Variants in AHRR observed in about 807,000 individuals in gnomAD.
AHRR encodes the protein ahR repressor.
A neutral mutation model predicts 44.0 loss-of-function variants in AHRR; 28 were observed. That is an observed-to-expected ratio of 0.64 (90% CI 0.47 to 0.87). The LOEUF is 0.87. Ranked by LOEUF, AHRR falls within the 40% of genes least tolerant of loss-of-function variation. The pLI, the probability that AHRR is intolerant of heterozygous loss-of-function variation, is 0.00. For missense variants in AHRR, 990 were observed against 953.9 expected (o/e 1.04, Z -0.50); for synonymous variants, 434 against 407.0 (o/e 1.07, Z -0.80).
chr5:324,313 C>G (rs916428475), intron 1 of AHRR, among the ~76,000 whole-genome samples: 4 of 151,858 alleles, frequency 2.6e-5, no homozygotes, highest in Non-Finnish European at 2.9e-5. Flanking sequence ...TCATGCTCTC[C>G]CCACCTCGGC....
intron 3 of AHRR, 71 bp from the exon 4 acceptor site, chr5:376,539 A>T (rs1733676734): frequency 2.7e-6 from 4 of 1,476,558 alleles, no homozygotes; most frequent in Non-Finnish European, 3.6e-6. Context: ...AAACACAGGA[A>T]AGATGTGAAT....
intron 4 of AHRR, among the ~76,000 whole-genome samples, chr5:399,710 C>A (rs1734928781): frequency 1.3e-5 from 2 of 152,182 alleles, no homozygotes; most frequent in African/African-American, 4.8e-5. Context: ...CAGAAGGGGG[C>A]CCAGGACACC....
In AHRR at chr5:428,126, T is replaced by G. The variant is rs1736554319; in HGVS notation, c.908+120T>G. 8 of 1,192,102 alleles carry G rather than the reference T, an allele frequency of 6.7e-6. No individual in the cohort carries two copies. The East Asian group carries it at 2.1e-4, about 31-fold the overall frequency. The allele number at this position is 1,192,102 out of a possible 1,614,324, so 73.8% of individuals were successfully genotyped here. ...ATTTCCAGCCAGTAATAAGTCAGTT[T>G]CGTGTCGTAAAAGTCATTACACAAC... On this transcript the variant is annotated intron_variant, in intron 8 of 10. Transcript: ENST00000684583.
intron 1 of AHRR, among the ~76,000 whole-genome samples, chr5:327,684 T>A (rs1046339003): frequency 6.6e-6 from 1 of 152,240 alleles, no homozygotes; most frequent in Non-Finnish European, 1.5e-5. Flanking sequence ...AATAAACATA[T>A]GAGTGCAGGC....
At chr5:421,357 C>T (rs778088201) in intron 5 of AHRR, 3 of 679,400 alleles carry the variant, frequency 4.4e-6, no homozygotes, top group Admixed American at 4.2e-5. Flanking sequence ...ATCATCCCTC[C>T]ACGTGGAGTC....
At position 350,284 on chromosome 5, in the gene AHRR, C is replaced by G. The variant is rs1742814916; in HGVS notation, c.63-3446C>G. ...CTGCGTATTTGGTCTTTAAATTTTT[C>G]TCAGCTCTGGTTTGAGTGTCTTTTG... On this transcript the variant is annotated intron_variant, in intron 2 of 10. Coordinates refer to ENST00000684583, the MANE Select transcript of AHRR (RefSeq NM_001377236.1). Among the ~76,000 whole-genome samples the G allele has an allele frequency of 3.3e-5, 5 of 152,196 alleles. No homozygotes were observed. In the South Asian group the frequency reaches 1.0e-3, roughly 31 times the overall value.
At chr5:336,291 A>G (rs1742120646) in intron 1 of AHRR, among the ~76,000 whole-genome samples, 1 of 152,130 alleles carries the variant, frequency 6.6e-6, no homozygotes, top group South Asian at 2.1e-4. Flanking sequence ...TTGGCCACAC[A>G]TCCTGCCTGT....
At position 434,518 on chromosome 5, in the gene AHRR, G is replaced by T. The variant is rs1182118915; in HGVS notation, c.1778G>T (p.Gly593Val). 2.5e-6 allele frequency: 4 copies of T among 1,612,100 alleles called. No homozygotes were observed. The highest frequency in any genetic ancestry group is 3.4e-6 in the Non-Finnish European group (4 of 1,179,674). ...TCGCACCTGGGGCACGGCGTGCGGGGGGCTCAGCCCCATGGGAGGGCCACT... is the reference window on the plus strand; with the variant it reads ...TCGCACCTGGGGCACGGCGTGCGGGTGGCTCAGCCCCATGGGAGGGCCACT... ...YISHLGHGVR[G>V]AQPHGRATAG... The change falls in exon 11 of 11, where the codon GGG (glycine) becomes GTG (valine). Residue 593 changes from glycine to valine, a missense_variant. Physicochemically the swap from Gly to Val is moderately radical, Grantham distance 109. Coordinates refer to ENST00000684583, the MANE Select transcript of AHRR (RefSeq NM_001377236.1).
At chr5:353,964 C>G in intron 3 of AHRR, 53 bp downstream of exon 3, 1 of 1,553,272 alleles carries the variant, frequency 6.4e-7, no homozygotes, top group Non-Finnish European at 8.8e-7. Flanking sequence ...TGTGTCTCCC[C>G]TGAGTCCATC....
chr5:394,979 C>G (rs1434629126), intron 4 of AHRR, among the ~76,000 whole-genome samples: 3 of 152,210 alleles, frequency 2.0e-5, no homozygotes, highest in African/African-American at 4.8e-5. Context: ...GCCCCTCAGG[C>G]CCCGGCCCCA....
At chr5:412,935 G>A (rs1735530329) in intron 4 of AHRR, among the ~76,000 whole-genome samples, 1 of 151,860 alleles carries the variant, frequency 6.6e-6, no homozygotes, top group Admixed American at 6.6e-5. Flanking sequence ...TAGCCAGGCT[G>A]GTCAATGGAC....
chr5:397,710 ACCGT>A (rs1214436487), intron 4 of AHRR, among the ~76,000 whole-genome samples: 2 of 127,252 alleles, frequency 1.6e-5, no homozygotes, highest in Non-Finnish European at 3.2e-5. Context: ...GTAGCCCCTG[ACCGT>A]CCACGTAGCT....
intron 3 of AHRR, among the ~76,000 whole-genome samples, chr5:374,145 C>G (rs1057330277): frequency 6.6e-6 from 1 of 152,122 alleles, no homozygotes; most frequent in African/African-American, 2.4e-5. Flanking sequence ...TGCGGGTGAC[C>G]CAGGCGTGTG....
intron 1 of AHRR, chr5:343,578 C>T: frequency 2.6e-6 from 1 of 384,272 alleles, no homozygotes; most frequent in Non-Finnish European, 4.7e-6. Flanking sequence ...ATGGCTTCCT[C>T]CTCAGGACGC....
chr5:332,271 T>TTG (rs1741949029), intron 1 of AHRR, among the ~76,000 whole-genome samples: 1 of 149,446 alleles, frequency 6.7e-6, no homozygotes, highest in Non-Finnish European at 1.5e-5. Flanking sequence ...GACTTTTTTT[T>TTG]TTTTTTTTTT....
At chr5:420,943 C>A (rs1349501904) in intron 5 of AHRR, 1 of 229,140 alleles carries the variant, frequency 4.4e-6, no homozygotes, top group Non-Finnish European at 8.1e-6. Context: ...CACCCACCCA[C>A]ACAGGCGCAC....
rs1361644424 is a variant in AHRR, at chr5:350,768, G to A, written c.63-2962G>A. Reference sequence around the variant, plus strand: ...GCAGCTTCAGTAATTTTTGGTGGGTGCAACATTAAAAAAAAAAAAAAAAGA... The same window carrying A: ...GCAGCTTCAGTAATTTTTGGTGGGTACAACATTAAAAAAAAAAAAAAAAGA... On this transcript the variant is annotated intron_variant, in intron 2 of 10. Transcript: ENST00000684583. 7.5e-5 allele frequency among the ~76,000 whole-genome samples: 9 copies of A among 119,766 alleles called. No homozygotes were observed. In the East Asian group the frequency reaches 1.9e-3, roughly 25 times the overall value. The allele number at this position is 119,766 out of a possible 152,430, so 78.6% of individuals were successfully genotyped here.
Position 424,930 on chromosome 5 carries a change from T to C in AHRR, c.708+953T>C, listed in dbSNP as rs528398602. The stretch of plus-strand genomic sequence containing the variant: ...CCCACCTTGCAGACCCTCCAGGCAC[T>C]GTGGTCCCCCTGGCCACAGCACAGT... On this transcript the variant is annotated intron_variant, in intron 7 of 10. Coordinates refer to ENST00000684583, the MANE Select transcript of AHRR (RefSeq NM_001377236.1). 1.4e-4 allele frequency among the ~76,000 whole-genome samples: 22 copies of C among 152,356 alleles called. 1 individual carries two copies. The South Asian group carries it at 4.6e-3, about 32-fold the overall frequency.
intron 3 of AHRR, among the ~76,000 whole-genome samples, chr5:363,682 C>G (rs1453260737): frequency 6.6e-6 from 1 of 152,196 alleles, no homozygotes; most frequent in Non-Finnish European, 1.5e-5. Flanking sequence ...CTGCCCACCA[C>G]CAGCCTCAGA....
Sources: gnomAD v4.1 joint callset for allele counts (sites outside exome capture counted in the v4.1 genomes callset) on GRCh38, gnomAD v4.1.1 for gene constraint, MANE v1.5 for transcripts, NCBI Gene and HGNC (gene_info 2026-07-23, HGNC 2026-07-21) for gene names.